The following PLEKHA7 variants were observed in gnomAD, a reference collection of about 807,000 sequenced individuals.
PLEKHA7 encodes the protein pleckstrin homology domain-containing family A member 7.
A neutral mutation model predicts 170.0 loss-of-function variants in PLEKHA7; 104 were observed. That is an observed-to-expected ratio of 0.61 (90% CI 0.52 to 0.72). The LOEUF (loss-of-function observed/expected upper bound fraction) is 0.72, where lower values mean the gene tolerates loss of function less well. PLEKHA7 is among the 30% of genes least tolerant of loss of function. The probability of loss-of-function intolerance (pLI) is 0.00; values close to 1 mark genes in which losing one functional copy is unlikely to be tolerated. For missense variants in PLEKHA7, 1,615 were observed against 1,671.7 expected (o/e 0.97, Z 0.59); for synonymous variants, 648 against 660.8 (o/e 0.98, Z 0.30).
intron 3 of PLEKHA7, among the ~76,000 whole-genome samples, chr11:16,970,767 A>C (rs1484818210): frequency 1.3e-5 from 2 of 152,206 alleles, no homozygotes; most frequent in African/African-American, 4.8e-5. Context: ...TTAGTTAAGG[A>C]AGCAAGAATC....
intron 3 of PLEKHA7, among the ~76,000 whole-genome samples, chr11:16,903,283 A>T (rs1425092214): frequency 6.6e-6 from 1 of 152,238 alleles, no homozygotes; most frequent in African/African-American, 2.4e-5. Flanking sequence ...ATATAACATT[A>T]GGTGATCAGT....
chr11:16,807,078 G>A (rs961795968), intron 13 of PLEKHA7: 76 of 784,638 alleles, frequency 9.7e-5, no homozygotes, highest in Middle Eastern at 6.4e-4. Context: ...AGCAAGTGAT[G>A]AAGTCGGCAC....
chr11:16,829,077 C>T (rs767156522), intron 9 of PLEKHA7, among the ~76,000 whole-genome samples: 23 of 151,696 alleles, frequency 1.5e-4, no homozygotes, highest in Non-Finnish European at 3.1e-4. Context: ...GATCACGGCT[C>T]ACTGCAGCCT....
At chr11:16,822,638 C>T (rs1392493023) in intron 10 of PLEKHA7, among the ~76,000 whole-genome samples, 1 of 152,148 alleles carries the variant, frequency 6.6e-6, no homozygotes, top group African/African-American at 2.4e-5. Context: ...TTTTCCTCCC[C>T]CATCTTCTCT....
chr11:16,997,521 G>A (rs1445404544), intron 3 of PLEKHA7, among the ~76,000 whole-genome samples: 1 of 152,166 alleles, frequency 6.6e-6, no homozygotes, highest in Admixed American at 6.5e-5. Context: ...ACAGGAGGGA[G>A]AATGCAGCTA....
At chr11:16,901,166 A>T (rs1262561525) in intron 3 of PLEKHA7, among the ~76,000 whole-genome samples, 2 of 152,060 alleles carry the variant, frequency 1.3e-5, no homozygotes, top group Non-Finnish European at 2.9e-5. Context: ...TTTTTGTATG[A>T]CCCAATGGGA....
intron 13 of PLEKHA7, among the ~76,000 whole-genome samples, chr11:16,810,207 A>G (rs933518222): frequency 2.0e-5 from 3 of 152,250 alleles, no homozygotes; most frequent in Non-Finnish European, 4.4e-5. Flanking sequence ...ACTTACAAAC[A>G]AAAGCATCCC....
At chr11:16,951,312 C>A (rs2136503075) in intron 3 of PLEKHA7, among the ~76,000 whole-genome samples, 1 of 152,162 alleles carries the variant, frequency 6.6e-6, no homozygotes, top group East Asian at 1.9e-4. Context: ...ATAGGGATGG[C>A]TGAGAATACT....
rs1859993196 is a variant in PLEKHA7, at chr11:16,932,279, T to G, written c.222-61097A>C. 0.016 allele frequency among the ~76,000 whole-genome samples: 7 copies of G among 444 alleles called. No individual in the cohort carries two copies. The South Asian group carries it at 0.32, about 20-fold the overall frequency. 0.3% of individuals were successfully genotyped at this position (444 alleles called of 152,430 possible). A position where few individuals can be genotyped will look rare whatever the true frequency, so the allele number is the denominator to read the frequency against. On this transcript the variant is annotated intron_variant, in intron 3 of 26. Coordinates refer to ENST00000531066, the MANE Select transcript of PLEKHA7 (RefSeq NM_001329630.2). ...AATGATGGCTATCATTATTCATTCCTTTTTTTTTTTTTTTCTGAGACAAAG... is the reference window on the plus strand; with the variant it reads ...AATGATGGCTATCATTATTCATTCCGTTTTTTTTTTTTTTCTGAGACAAAG...
intron 9 of PLEKHA7, among the ~76,000 whole-genome samples, chr11:16,828,217 T>C (rs1408572960): frequency 6.6e-6 from 1 of 152,222 alleles, no homozygotes; most frequent in Non-Finnish European, 1.5e-5. Flanking sequence ...GGGAAGGACC[T>C]GGTGGGAGGA....
intron 9 of PLEKHA7, among the ~76,000 whole-genome samples, chr11:16,826,960 G>C (rs1325370784): frequency 2.0e-5 from 3 of 152,206 alleles, no homozygotes; most frequent in Non-Finnish European, 2.9e-5. Context: ...CTTCTACACA[G>C]TGACTGGTAT....
chr11:16,966,822 G>T (rs1565163531), intron 3 of PLEKHA7, among the ~76,000 whole-genome samples: 1 of 152,102 alleles, frequency 6.6e-6, no homozygotes, highest in Non-Finnish European at 1.5e-5. Flanking sequence ...GGCCATGAAG[G>T]TTTTATTGCT....
At chr11:16,907,077 G>A (rs1404404705) in intron 3 of PLEKHA7, among the ~76,000 whole-genome samples, 5 of 142,058 alleles carry the variant, frequency 3.5e-5, no homozygotes, top group Non-Finnish European at 7.5e-5. Flanking sequence ...AGCGAGGAGC[G>A]TCTCCGCCCG....
intron 3 of PLEKHA7, among the ~76,000 whole-genome samples, chr11:16,951,820 A>G (rs1289736454): frequency 6.6e-6 from 1 of 152,242 alleles, no homozygotes; most frequent in Non-Finnish European, 1.5e-5. Context: ...AGACTGGATG[A>G]TAAAGTGCTG....
At chr11:16,874,679 A>G (rs1163194664) in intron 3 of PLEKHA7, among the ~76,000 whole-genome samples, 1 of 152,208 alleles carries the variant, frequency 6.6e-6, no homozygotes, top group Admixed American at 6.5e-5. Flanking sequence ...TCAGAAGCAC[A>G]GCCCAGCTGC....
intron 3 of PLEKHA7, among the ~76,000 whole-genome samples, chr11:16,924,298 C>T (rs1189922691): frequency 6.6e-6 from 1 of 152,212 alleles, no homozygotes; most frequent in Non-Finnish European, 1.5e-5. Flanking sequence ...AGAGACAAGT[C>T]AGGTGACACC....
At chr11:16,915,100 G>A (rs183251686) in intron 3 of PLEKHA7, among the ~76,000 whole-genome samples, 29 of 152,198 alleles carry the variant, frequency 1.9e-4, no homozygotes, top group African/African-American at 6.3e-4. Flanking sequence ...CCCTGTGGCC[G>A]AATTCCCCAA....
At chr11:16,818,849 G>A (rs1274910840) in intron 10 of PLEKHA7, among the ~76,000 whole-genome samples, 1 of 151,522 alleles carries the variant, frequency 6.6e-6, no homozygotes, top group Admixed American at 6.6e-5. Context: ...TTTTGCCCAG[G>A]CTGGAGTGCA....
rs1323195286 is a variant in PLEKHA7, at chr11:16,802,439, C to T, written c.2157+533G>A. 2.0e-5 allele frequency among the ~76,000 whole-genome samples: 3 copies of T among 152,342 alleles called. No homozygotes were observed. In the East Asian group the frequency reaches 5.8e-4, roughly 29 times the overall value. On this transcript the variant is annotated intron_variant, in intron 15 of 26. Transcript: ENST00000531066. ...ATATAAGCCAGTGGAGCTCCTCTCC[C>T]AGGCTCACCTCACAGGGCCTCCACG...
Sources: allele counts gnomAD v4.1 joint callset (sites outside exome capture counted in the v4.1 genomes callset), GRCh38; gene constraint gnomAD v4.1.1; transcripts MANE v1.5; gene names NCBI Gene and HGNC (gene_info 2026-07-23, HGNC 2026-07-21).